The following KCNIP4 variants were observed in gnomAD, a reference collection of about 807,000 sequenced individuals.
KCNIP4 encodes the protein Kv channel-interacting protein 4.
In KCNIP4, 12 loss-of-function variants were observed where a neutral mutation model predicts 34.0. That is an observed-to-expected ratio of 0.35 (90% confidence interval 0.23 to 0.57). The LOEUF (loss-of-function observed/expected upper bound fraction) is 0.57. KCNIP4 is among the 20% of genes least tolerant of loss of function. The probability of loss-of-function intolerance (pLI) is 0.83; values close to 1 mark genes in which losing one functional copy is unlikely to be tolerated. For missense variants in KCNIP4, 238 were observed against 311.7 expected, an observed-to-expected ratio of 0.76 and a Z score of 1.78; for synonymous variants, 124 against 102.2, an observed-to-expected ratio of 1.21 and a Z score of -1.29.
intron 1 of KCNIP4, among the ~76,000 whole-genome samples, chr4:21,287,088 C>T (rs1763167701): frequency 6.6e-6 from 1 of 152,062 alleles, no homozygotes; most frequent in South Asian, 2.1e-4. Context: ...GAGTCCTCTC[C>T]CCCTGGAAGC....
intron 1 of KCNIP4, among the ~76,000 whole-genome samples, chr4:21,865,928 C>CATAT (rs10687424): frequency 7.4e-5 from 11 of 148,944 alleles, no homozygotes; most frequent in East Asian, 4.1e-4. Context: ...TATGGTGTCT[C>CATAT]ATATATATAT....
rs116415519 is a variant in KCNIP4, at chr4:21,657,785, G to A, written c.61+290786C>T. Among the ~76,000 whole-genome samples the A allele has an allele frequency of 2.3e-3, 354 of 151,728 alleles. 1 individual carries two copies. Among genetic ancestry groups the A allele is most frequent in the African/African-American group, 6.6e-3 (273 of 41,400 alleles). The stretch of plus-strand genomic sequence containing the variant: ...GACTTGTCTTTGACCATAATTTGAT[G>A]TTCAATGAGTCTGCAGCAAAGTGTT... On this transcript the variant is annotated intron_variant, in intron 1 of 8. Transcript: ENST00000382152.
At chr4:20,759,889 TGG>T (rs1390338630) in intron 3 of KCNIP4, among the ~76,000 whole-genome samples, 3 of 152,072 alleles carry the variant, frequency 2.0e-5, no homozygotes. Context: ...TTGTTATCCT[TGG>T]GGCATTGCTT....
intron 1 of KCNIP4, among the ~76,000 whole-genome samples, chr4:21,634,807 C>A (rs1746011813): frequency 6.6e-6 from 1 of 152,172 alleles, no homozygotes; most frequent in Non-Finnish European, 1.5e-5. Flanking sequence ...GGTTTGCCAA[C>A]TCTGAACAGA....
chr4:21,878,247 TG>T (rs1257318860), intron 1 of KCNIP4, among the ~76,000 whole-genome samples: 1 of 152,150 alleles, frequency 6.6e-6, no homozygotes, highest in Non-Finnish European at 1.5e-5. Flanking sequence ...AGCTAATTTT[TG>T]TATTTTTAGA....
intron 1 of KCNIP4, among the ~76,000 whole-genome samples, chr4:21,817,133 A>C (rs902158149): frequency 3.9e-5 from 6 of 152,028 alleles, no homozygotes; most frequent in Admixed American, 6.6e-5. Context: ...ATCCCTGCCC[A>C]TCCTTCAAGA....
intron 1 of KCNIP4, among the ~76,000 whole-genome samples, chr4:21,124,857 A>G (rs1472643405): frequency 6.6e-6 from 1 of 152,070 alleles, no homozygotes; most frequent in African/African-American, 2.4e-5. Flanking sequence ...TCTCATCTAC[A>G]TGATCTCAAC....
At chr4:20,952,789 T>TA (rs1732913418) in intron 1 of KCNIP4, among the ~76,000 whole-genome samples, 1 of 6,510 alleles carries the variant, frequency 1.5e-4, no homozygotes, top group South Asian at 2.4e-3. Flanking sequence ...TAATAAAATA[T>TA]TTTTTTGAAT....
intron 1 of KCNIP4, among the ~76,000 whole-genome samples, chr4:21,643,640 G>A (rs1178659673): frequency 6.6e-6 from 1 of 152,086 alleles, no homozygotes; most frequent in Non-Finnish European, 1.5e-5. Context: ...CCTCAATTGT[G>A]TGGATGGGCC....
In KCNIP4 at chr4:20,958,401, C is replaced by T. The variant is rs569449448; in HGVS notation, c.62-75692G>A. 3.3e-4 allele frequency among the ~76,000 whole-genome samples: 50 copies of T among 152,314 alleles called. No individual in the cohort carries two copies. The South Asian group carries it at 9.1e-3, about 28-fold the overall frequency. ...CCAAAGTCAAAGGGCAATAGAAACC[C>T]TTTGCATTCTTTCTAATGACTTCAA... On this transcript the variant is annotated intron_variant, in intron 1 of 8. Transcript: ENST00000382152.
intron 1 of KCNIP4, among the ~76,000 whole-genome samples, chr4:21,263,593 T>C (rs113165577): frequency 0.011 from 1,668 of 152,332 alleles, 27 homozygotes; most frequent in African/African-American, 0.037. Flanking sequence ...GCACCACCAC[T>C]TTCTGTTCCT....
At chr4:20,893,792 G>A (rs997455205) in intron 1 of KCNIP4, among the ~76,000 whole-genome samples, 8 of 152,096 alleles carry the variant, frequency 5.3e-5, no homozygotes, top group African/African-American at 1.9e-4. Flanking sequence ...TATCAAAAAT[G>A]ACAGCAGTAT....
At chr4:20,808,142 G>C (rs1350421365) in intron 3 of KCNIP4, among the ~76,000 whole-genome samples, 4 of 152,160 alleles carry the variant, frequency 2.6e-5, no homozygotes, top group African/African-American at 4.8e-5. Context: ...TTGAATATAT[G>C]AGTAGATACC....
chr4:21,247,785 T>TAC (rs1760368088), intron 1 of KCNIP4, among the ~76,000 whole-genome samples: 1 of 99,100 alleles, frequency 1.0e-5, no homozygotes, highest in African/African-American at 5.0e-5. Context: ...TTTTTATATA[T>TAC]ATACACCACA....
intron 1 of KCNIP4, among the ~76,000 whole-genome samples, chr4:21,483,408 G>C (rs1366558880): frequency 1.3e-5 from 2 of 152,042 alleles, no homozygotes; most frequent in Non-Finnish European, 2.9e-5. Context: ...GGTGGGAGGT[G>C]ATTGAATCAT....
At chr4:21,337,712 T>C (rs931202671) in intron 1 of KCNIP4, among the ~76,000 whole-genome samples, 1 of 152,136 alleles carries the variant, frequency 6.6e-6, no homozygotes, top group African/African-American at 2.4e-5. Flanking sequence ...AAAAAGATAA[T>C]TAATGTACCT....
intron 1 of KCNIP4, among the ~76,000 whole-genome samples, chr4:21,104,428 T>G (rs1266182333): frequency 6.6e-6 from 1 of 152,188 alleles, no homozygotes; most frequent in Non-Finnish European, 1.5e-5. Flanking sequence ...TTCATCCACT[T>G]TTTGATGGGG....
chr4:20,747,075 G>A (rs1292780967), intron 5 of KCNIP4, among the ~76,000 whole-genome samples: 1 of 152,068 alleles, frequency 6.6e-6, no homozygotes, highest in Admixed American at 6.6e-5. Flanking sequence ...TTACCAACAT[G>A]CATATCATAT....
chr4:21,879,273 T>TA (rs768759462), intron 1 of KCNIP4, among the ~76,000 whole-genome samples: 8 of 152,200 alleles, frequency 5.3e-5, no homozygotes, highest in Non-Finnish European at 1.0e-4. Flanking sequence ...GTTGAACTCT[T>TA]AGTTGTCTTG....
Sources: gnomAD v4.1 joint callset for allele counts (sites outside exome capture counted in the v4.1 genomes callset) on GRCh38, gnomAD v4.1.1 for gene constraint, MANE v1.5 for transcripts, NCBI Gene and HGNC (gene_info 2026-07-23, HGNC 2026-07-21) for gene names.